Variants in GNG2 observed in about 807,000 individuals in gnomAD.
GNG2 encodes the protein guanine nucleotide-binding protein G(I)/G(S)/G(O) subunit gamma-2.
A neutral mutation model predicts 5.5 loss-of-function variants in GNG2; 5 were observed. The observed-to-expected ratio is 0.91, with a 90% CI of 0.48 to 1.92. The LOEUF is 1.92. Ranked by LOEUF, GNG2 falls within the 30% of genes most tolerant of loss-of-function variation. GNG2 has a pLI of 0.01. For synonymous variants in GNG2, 28 were observed against 32.0 expected (o/e 0.88, Z 0.42); for missense variants, 55 against 88.4 (o/e 0.62, Z 1.52).
At chr14:51,942,581 C>CTTTCTTTCTTTT (rs1888388892) in intron 2 of GNG2, among the ~76,000 whole-genome samples, 1 of 60,044 alleles carries the variant, frequency 1.7e-5, no homozygotes. Context: ...CTCTTTCTTT[C>CTTTCTTTCTTTT]TTTCTTTCTT....
intron 2 of GNG2, among the ~76,000 whole-genome samples, chr14:51,896,191 A>G (rs1885180703): frequency 6.6e-6 from 1 of 152,254 alleles, no homozygotes; most frequent in Non-Finnish European, 1.5e-5. Flanking sequence ...AGGAGGATCA[A>G]TGCATAGACC....
intron 2 of GNG2, among the ~76,000 whole-genome samples, chr14:51,932,782 C>T (rs1328090830): frequency 5.9e-5 from 9 of 151,924 alleles, no homozygotes; most frequent in South Asian, 2.1e-4. Context: ...TCTAAAGTAT[C>T]GGGTCCTAAT....
chr14:51,885,077 T>A (rs905613376), intron 2 of GNG2, among the ~76,000 whole-genome samples: 1 of 152,182 alleles, frequency 6.6e-6, no homozygotes, highest in Non-Finnish European at 1.5e-5. Context: ...AGCCCAGTCA[T>A]AATTGGAGTC....
chr14:51,969,456 A>T lies in GNG2; in HGVS notation c.*2769A>T, dbSNP rs1890101379. On this transcript the variant is annotated 3_prime_UTR_variant, in exon 4 of 4. Coordinates refer to ENST00000556766, the MANE Select transcript of GNG2 (RefSeq NM_053064.5). ...AAGGAGATTGCCTACCAAGGACAAA[A>T]CAATAAATTTAAAAATCAAACGATT... is the stretch of plus-strand genomic sequence containing the variant. The T allele has an allele frequency of 6.6e-6, 1 of 152,212 alleles. No homozygotes were observed. Among genetic ancestry groups the T allele is most frequent in the Non-Finnish European group, 1.5e-5 (1 of 68,022 alleles). 9.4% of individuals were successfully genotyped at this position (152,212 alleles called of 1,614,324 possible). A position where few individuals can be genotyped will look rare whatever the true frequency, so the allele number is the denominator to read the frequency against.
Position 51,966,622 on chromosome 14 carries a change from C to T in GNG2, c.151C>T (p.Leu51=). 6.2e-7 allele frequency: 1 copy of T among 1,613,432 alleles called. No homozygotes were observed. ...CEAHAKEDPL[L]TPVPASENPF... is the part of the protein sequence containing the mutation. ...AGCACATGCCAAGGAAGACCCCCTC[C>T]TGACCCCTGTTCCGGCTTCAGAAAA... Residue 51 remains leucine, a synonymous_variant, in exon 4 of 4, where the codon CTG becomes TTG. Coordinates refer to ENST00000556766, the MANE Select transcript of GNG2 (RefSeq NM_053064.5).
At chr14:51,857,308 G>A (rs560419971), upstream of GNG2, among the ~76,000 whole-genome samples, 3 of 152,310 alleles carry the variant, frequency 2.0e-5, no homozygotes, top group South Asian at 4.1e-4. Context: ...TCTGGCAACA[G>A]AAATAGCATG....
At chr14:51,860,082 TGCTGCAGTGAGAAGCTGCAA>T (rs1314362896), upstream of GNG2, among the ~76,000 whole-genome samples, 3 of 151,224 alleles carry the variant, frequency 2.0e-5, no homozygotes, top group South Asian at 4.2e-4. Context: ...CAGAGAAAAA[TGCTGCAGTGAGAAGCTGCAA>T]GCTGCAAGCT....
chr14:51,870,612 A>T (rs1189826871), intron 1 of GNG2, among the ~76,000 whole-genome samples: 1 of 152,198 alleles, frequency 6.6e-6, no homozygotes, highest in Non-Finnish European at 1.5e-5. Context: ...TGTTTTCTCT[A>T]GAGAGGTAGG....
chr14:51,852,193 A>C (rs934557596), intron 2 of GNG2, among the ~76,000 whole-genome samples: 8 of 152,212 alleles, frequency 5.3e-5, no homozygotes, highest in African/African-American at 1.9e-4. Flanking sequence ...ATAAACAATA[A>C]TGTATAATGA....
chr14:51,922,477 G>A (rs528605714), intron 2 of GNG2, among the ~76,000 whole-genome samples: 15 of 152,196 alleles, frequency 9.9e-5, no homozygotes, highest in African/African-American at 3.1e-4. Flanking sequence ...ACTCCAAGGG[G>A]TAGTAGCAGC....
At chr14:51,828,173 G>A in intron 2 of GNG2, among the ~76,000 whole-genome samples, 1 of 152,350 alleles carries the variant, frequency 6.6e-6, no homozygotes, top group East Asian at 1.9e-4. Context: ...TGTGGTGAAA[G>A]CCACAGTCTC....
chr14:51,869,212 G>A (rs1010468696), intron 1 of GNG2, among the ~76,000 whole-genome samples: 3 of 152,204 alleles, frequency 2.0e-5, no homozygotes, highest in Non-Finnish European at 4.4e-5. Context: ...ATAACCCTAC[G>A]AAATAAGGAC....
At position 51,966,753 on chromosome 14, in the gene GNG2, TGG is replaced by T; in HGVS notation, c.*68_*69del. The T allele has an allele frequency of 7.2e-7, 1 of 1,387,804 alleles. No homozygotes were observed. Among genetic ancestry groups the T allele is most frequent in the Non-Finnish European group, 1.0e-6 (1 of 975,846 alleles). 86.0% of individuals were successfully genotyped at this position (1,387,804 alleles called of 1,614,324 possible). On this transcript the variant is annotated 3_prime_UTR_variant, in exon 4 of 4. Coordinates refer to ENST00000556766, the MANE Select transcript of GNG2 (RefSeq NM_053064.5). ...CATTGATGTAGAGTTTTTAGTGAAGTGGGCACCTTTCTAGTCCACGGCATTTG... is the reference window on the plus strand; with the variant it reads ...CATTGATGTAGAGTTTTTAGTGAAGTGCACCTTTCTAGTCCACGGCATTTG...
intron 2 of GNG2, among the ~76,000 whole-genome samples, chr14:51,845,125 C>T (rs1039847849): frequency 6.6e-6 from 1 of 152,124 alleles, no homozygotes; most frequent in Admixed American, 6.5e-5. Context: ...TTTCTCTTGG[C>T]TCTCTTAAAA....
At chr14:51,895,102 A>C (rs1885110221) in intron 2 of GNG2, among the ~76,000 whole-genome samples, 1 of 152,150 alleles carries the variant, frequency 6.6e-6, no homozygotes, top group Non-Finnish European at 1.5e-5. Flanking sequence ...GGAAATAAAA[A>C]GCCATTTAGT....
intron 2 of GNG2, among the ~76,000 whole-genome samples, chr14:51,841,823 C>G (rs1881492897): frequency 6.6e-6 from 1 of 152,136 alleles, no homozygotes; most frequent in African/African-American, 2.4e-5. Context: ...AATGACAGTT[C>G]CAGGCAATGC....
At chr14:51,924,011 A>T (rs1887171747) in intron 2 of GNG2, among the ~76,000 whole-genome samples, 2 of 152,202 alleles carry the variant, frequency 1.3e-5, no homozygotes, top group African/African-American at 4.8e-5. Flanking sequence ...TAAAATTATG[A>T]TCCTTTTCAG....
intron 2 of GNG2, among the ~76,000 whole-genome samples, chr14:51,900,074 A>G (rs1885451677): frequency 6.6e-6 from 1 of 152,194 alleles, no homozygotes; most frequent in South Asian, 2.1e-4. Context: ...TTAATTTTTT[A>G]AGGAAGCATC....
intron 1 of GNG2, among the ~76,000 whole-genome samples, chr14:51,870,621 G>A (rs1017654172): frequency 6.6e-6 from 1 of 152,164 alleles, no homozygotes; most frequent in Admixed American, 6.5e-5. Flanking sequence ...TAGAGAGGTA[G>A]GTATTTTGTT....
Sources: gnomAD v4.1 joint callset for allele counts (sites outside exome capture counted in the v4.1 genomes callset) on GRCh38, gnomAD v4.1.1 for gene constraint, MANE v1.5 for transcripts, NCBI Gene and HGNC (gene_info 2026-07-23, HGNC 2026-07-21) for gene names.